The following FMN1 variants were observed in gnomAD, a reference collection of about 807,000 sequenced individuals.
FMN1 encodes formin-1.
Under a neutral mutation model 132.4 loss-of-function variants are expected in FMN1, and 110 were observed. That is an observed-to-expected ratio of 0.83 (90% CI 0.71 to 0.97). The LOEUF (loss-of-function observed/expected upper bound fraction) is 0.97. Among genes scored for constraint, FMN1 ranks in the 50% least tolerant of loss-of-function variants. The pLI is 0.00. For missense variants in FMN1, 1,792 were observed against 1,705.3 expected (o/e 1.05, Z -0.90); for synonymous variants, 722 against 651.7 (o/e 1.11, Z -1.64).
At chr15:33,119,347 A>G (rs1470285872) in intron 4 of FMN1, among the ~76,000 whole-genome samples, 1 of 152,134 alleles carries the variant, frequency 6.6e-6, no homozygotes, top group Non-Finnish European at 1.5e-5. Flanking sequence ...GCAGGCACCC[A>G]TGGTGCCAAA....
chr15:33,150,679 T>C, intron 4 of FMN1: 1 of 985,538 alleles, frequency 1.0e-6, no homozygotes, highest in Non-Finnish European at 1.2e-6. Flanking sequence ...GTCTTCCAAC[T>C]GGAAACAGAT....
chr15:32,808,248 A>G (rs1024567512), intron 17 of FMN1, among the ~76,000 whole-genome samples: 4 of 152,232 alleles, frequency 2.6e-5, no homozygotes. Context: ...GGCCCAAGGA[A>G]TGCAAATCAG....
intron 16 of FMN1, among the ~76,000 whole-genome samples, chr15:32,877,999 CAAA>C (rs1454558712): frequency 2.0e-5 from 3 of 146,496 alleles, no homozygotes; most frequent in Non-Finnish European, 4.4e-5. Context: ...AGAAAATTTA[CAAA>C]CAAATAAATA....
At chr15:33,090,820 C>G (rs977741444) in intron 4 of FMN1, among the ~76,000 whole-genome samples, 26 of 152,274 alleles carry the variant, frequency 1.7e-4, no homozygotes, top group Non-Finnish European at 3.4e-4. Flanking sequence ...GCTTTATGCT[C>G]ATGTTGACTC....
intron 17 of FMN1, among the ~76,000 whole-genome samples, chr15:32,827,576 C>T (rs58476108): frequency 0.21 from 31,512 of 152,040 alleles, 3,655 homozygotes; most frequent in East Asian, 0.52. Context: ...ACAGGCCGGA[C>T]GCGGTGGCTC....
chr15:32,848,986 T>TC (rs1555472094), intron 17 of FMN1, among the ~76,000 whole-genome samples: 1 of 126,532 alleles, frequency 7.9e-6, no homozygotes, highest in East Asian at 2.2e-4. Flanking sequence ...TGTTTTTTTT[T>TC]TTTTTTTTTT....
At chr15:32,993,213 T>C (rs2033550332) in intron 7 of FMN1, among the ~76,000 whole-genome samples, 1 of 151,748 alleles carries the variant, frequency 6.6e-6, no homozygotes, top group South Asian at 2.1e-4. Context: ...ATGAATATAT[T>C]ACATTAAGCC....
intron 19 of FMN1, 121 bp downstream of exon 19, chr15:32,798,683 T>C (rs2123068): frequency 1.1e-6 from 1 of 935,536 alleles, no homozygotes; most frequent in Admixed American, 3.1e-5. Context: ...GTCCTTCCCC[T>C]ATGACCACTT....
intron 7 of FMN1, among the ~76,000 whole-genome samples, chr15:32,984,978 CAA>C (rs11330959): frequency 0.078 from 7,618 of 97,452 alleles, 230 homozygotes; most frequent in Middle Eastern, 0.12. Context: ...CATCCATCAC[CAA>C]AAAAAAAAAA....
intron 7 of FMN1, among the ~76,000 whole-genome samples, chr15:32,994,995 G>GT (rs761253074): frequency 6.6e-6 from 1 of 152,026 alleles, no homozygotes; most frequent in Non-Finnish European, 1.5e-5. Context: ...AAAAGAAAAT[G>GT]TATCTAGAAA....
intron 7 of FMN1, among the ~76,000 whole-genome samples, chr15:32,976,623 A>G (rs778604536): frequency 6.6e-6 from 1 of 152,236 alleles, no homozygotes; most frequent in Non-Finnish European, 1.5e-5. Flanking sequence ...AGTTACAACC[A>G]AAAGGCCATG....
At chr15:33,096,547 G>A (rs1413693709) in intron 4 of FMN1, among the ~76,000 whole-genome samples, 1 of 151,862 alleles carries the variant, frequency 6.6e-6, no homozygotes, top group East Asian at 2.0e-4. Context: ...TACTGAGAAG[G>A]AGTCCTGTAC....
At chr15:33,050,172 C>T (rs187711689) in intron 6 of FMN1, among the ~76,000 whole-genome samples, 9 of 152,246 alleles carry the variant, frequency 5.9e-5, no homozygotes, top group Admixed American at 6.5e-5. Context: ...AGGCGTATAA[C>T]GTGTATTTTG....
chr15:32,783,845 CT>C (rs1344249998), intron 19 of FMN1, among the ~76,000 whole-genome samples: 1 of 144,532 alleles, frequency 6.9e-6, no homozygotes, highest in Non-Finnish European at 1.5e-5. Context: ...ATAGCCTCAT[CT>C]TTTGGGAAAG....
chr15:32,954,543 C>T (rs201877083), intron 9 of FMN1, among the ~76,000 whole-genome samples: 3 of 152,088 alleles, frequency 2.0e-5, no homozygotes, highest in African/African-American at 4.8e-5. Flanking sequence ...GTTCGGGATT[C>T]GATATTTGGT....
chr15:33,016,733 T>TGATC (rs1209656147), intron 6 of FMN1, among the ~76,000 whole-genome samples: 6 of 152,024 alleles, frequency 3.9e-5, no homozygotes, highest in African/African-American at 1.2e-4. Flanking sequence ...GTTTGATGAT[T>TGATC]GACTCCTGAC....
At chr15:33,018,843 T>TA (rs2035239059) in intron 6 of FMN1, among the ~76,000 whole-genome samples, 1 of 152,194 alleles carries the variant, frequency 6.6e-6, no homozygotes, top group South Asian at 2.1e-4. Context: ...GGTTGAGTGT[T>TA]ACAGCTCTTA....
intron 8 of FMN1, among the ~76,000 whole-genome samples, chr15:32,967,247 A>C (rs1410662863): frequency 6.6e-6 from 1 of 152,198 alleles, no homozygotes; most frequent in African/African-American, 2.4e-5. Flanking sequence ...TGAAGGGCCC[A>C]CATCTCCCAG....
At chr15:32,919,551 A>T (rs1172115395) in intron 10 of FMN1, among the ~76,000 whole-genome samples, 1 of 152,192 alleles carries the variant, frequency 6.6e-6, no homozygotes, top group African/African-American at 2.4e-5. Context: ...AAATATTACT[A>T]ATCTTATTTT....
Sources: gnomAD v4.1 joint callset for allele counts (sites outside exome capture counted in the v4.1 genomes callset) on GRCh38, gnomAD v4.1.1 for gene constraint, MANE v1.5 for transcripts, NCBI Gene and HGNC (gene_info 2026-07-23, HGNC 2026-07-21) for gene names.